Variants in CHD2 observed in about 807,000 individuals in gnomAD.
The protein encoded by CHD2 is chromodomain helicase DNA binding protein 2.
A neutral mutation model predicts 243.9 loss-of-function variants in CHD2; 28 were observed. The observed-to-expected ratio is 0.11, with a 90% confidence interval of 0.09 to 0.16. CHD2 has a LOEUF of 0.16. Ranked by LOEUF, CHD2 falls within the 10% of genes least tolerant of loss-of-function variation. The pLI is 1.00. For synonymous variants in CHD2, 775 were observed against 779.0 expected (o/e 0.99, Z 0.09); for missense variants, 1,386 against 2,209.8 (o/e 0.63, Z 7.47).
intron 19 of CHD2, 29 bp from the exon 20 acceptor site, chr15:92,974,850 T>A (rs760493031): frequency 6.2e-7 from 1 of 1,606,366 alleles, no homozygotes; most frequent in South Asian, 1.1e-5. Context: ...CTTCCTATCT[T>A]ACAGTTTTCT....
chr15:92,955,426 C>T lies in CHD2; in HGVS notation c.1723C>T (p.Arg575Trp). The part of the protein sequence containing the change: ...IGDLMSRNTI[R>W]EYEWIHSQTK... ...TAATTATGTTTTTTTCTTATAGATA[C>T]GGGAATATGAATGGATTCATTCCCA... Residue 575 changes from arginine to tryptophan, a missense_variant, in exon 15 of 39, where the codon CGG becomes TGG. Arg to Trp is a moderately radical substitution (Grantham distance 101, BLOSUM62 -3). Transcript: ENST00000394196. 2 of 1,563,044 alleles carry T rather than the reference C, an allele frequency of 1.3e-6. No homozygotes were observed. Among genetic ancestry groups the T allele is most frequent in the Non-Finnish European group, 1.7e-6 (2 of 1,156,282 alleles).
Position 92,900,784 on chromosome 15 carries a change from A to G in CHD2, c.-112A>G. The G allele has an allele frequency of 2.5e-6, 1 of 395,502 alleles. No individual in the cohort carries two copies. Among genetic ancestry groups the G allele is most frequent in the Non-Finnish European group, 4.4e-6 (1 of 224,918 alleles). 24.5% of individuals were successfully genotyped at this position (395,502 alleles called of 1,614,324 possible). ...ATTTGGGATCTGATATTTTTCTACT[A>G]GTAGATAGGACTCTTGGTTTGGACA... On this transcript the variant is annotated 5_prime_UTR_variant, in exon 1 of 39. Transcript: ENST00000394196.
chr15:92,953,205 A>C (rs2053577002), intron 13 of CHD2, 152 bp from the exon 14 acceptor site: 1 of 634,838 alleles, frequency 1.6e-6, no homozygotes, highest in South Asian at 2.0e-5. Flanking sequence ...AAGCTGAAGT[A>C]ATTGCAGATG....
Position 92,978,303 on chromosome 15 carries a change from G to A in CHD2, c.2647G>A (p.Val883Ile), listed in dbSNP as rs1289998107. 3.7e-6 allele frequency: 6 copies of A among 1,614,096 alleles called. No homozygotes were observed. The highest frequency in any genetic ancestry group is 2.2e-5 in the East Asian group (1 of 44,882). ...CAATTTGGCTTCAGCGGACACAGTC[G>A]TCATCTTTGACTCTGACTGGAACCC... ...GINLASADTV[V>I]IFDSDWNPQN... Residue 883 changes from valine (V) to isoleucine (I), a missense_variant, in exon 21 of 39, where the codon GTC becomes ATC. By Grantham distance (29) the Val-to-Ile change is conservative. Coordinates refer to ENST00000394196, the MANE Select transcript of CHD2 (RefSeq NM_001271.4).
At chr15:92,988,912 A>G (rs2054079771) in intron 26 of CHD2, among the ~76,000 whole-genome samples, 1 of 151,802 alleles carries the variant, frequency 6.6e-6, no homozygotes, top group Admixed American at 6.6e-5. Flanking sequence ...TAACTCTTGT[A>G]AATATTTATA....
intron 38 of CHD2, 142 bp downstream of exon 38, chr15:93,020,400 T>C (rs1220493613): frequency 3.8e-6 from 4 of 1,041,674 alleles, no homozygotes; most frequent in Non-Finnish European, 5.6e-6. Flanking sequence ...GCGAATCCCA[T>C]GTCTTGGTTA....
intron 28 of CHD2, among the ~76,000 whole-genome samples, chr15:92,996,397 T>G (rs1266887877): frequency 6.6e-6 from 1 of 152,026 alleles, no homozygotes; most frequent in Non-Finnish European, 1.5e-5. Flanking sequence ...CCTGACCTCG[T>G]GATCTGCCTG....
chr15:92,902,929 T>A (rs1452311392), intron 2 of CHD2: 1 of 152,184 alleles, frequency 6.6e-6, no homozygotes, highest in Non-Finnish European at 1.5e-5. Flanking sequence ...TCTTTCAGTA[T>A]TTTTACTCTC....
Position 92,939,625 on chromosome 15 carries a change from G to A in CHD2, c.599G>A (p.Gly200Glu), listed in dbSNP as rs368498690. ...AAAAAGCAGCCGAAGACTCAGCGTG[G>A]AAAGAGAAAAAAGCAAGATTCTTCT... is the stretch of plus-strand genomic sequence containing the variant. ...RVKKQPKTQR[G>E]KRKKQDSSDE... Residue 200 changes from glycine (G) to glutamate (E), a missense_variant, in exon 7 of 39, where the codon GGA (glycine) becomes GAA (glutamate). Physicochemically the swap from Gly to Glu is moderately conservative, Grantham distance 98. Coordinates refer to ENST00000394196, the MANE Select transcript of CHD2 (RefSeq NM_001271.4). 8.1e-6 allele frequency: 13 copies of A among 1,613,992 alleles called. No individual in the cohort carries two copies. The highest frequency in any genetic ancestry group is 1.1e-5 in the Non-Finnish European group (13 of 1,180,018).
Position 92,953,434 on chromosome 15 carries a change from T to G in CHD2, c.1580T>G (p.Phe527Cys). 1 of 1,614,206 alleles carries G rather than the reference T, an allele frequency of 6.2e-7. No homozygotes were observed. The change falls in exon 14 of 39, where the codon TTC becomes TGC. Residue 527 changes from phenylalanine (F) to cysteine (C), a missense_variant. Physicochemically the swap from Phe to Cys is radical, Grantham distance 205 (BLOSUM62 -2). Coordinates refer to ENST00000394196, the MANE Select transcript of CHD2 (RefSeq NM_001271.4). Reference protein sequence around the residue: ...IQTISFLSYLFHQHQLYGPFL... With the variant: ...IQTISFLSYLCHQHQLYGPFL... ...ACCATATCATTCCTCTCCTACCTGT[T>G]CCACCAACACCAGCTGTATGGCCCC...
intron 32 of CHD2, 59 bp downstream of exon 32, chr15:93,000,699 C>T (rs2054243633): frequency 6.6e-7 from 1 of 1,516,440 alleles, no homozygotes; most frequent in Non-Finnish European, 8.9e-7. Context: ...CTTATCATGC[C>T]AGCTGGAATA....
At chr15:92,912,830 G>A (rs960922495) in intron 2 of CHD2, among the ~76,000 whole-genome samples, 12 of 152,244 alleles carry the variant, frequency 7.9e-5, no homozygotes, top group Admixed American at 1.3e-4. Flanking sequence ...GATTACAGGC[G>A]TGAGCCACTG....
chr15:93,019,319 G>T (rs1796123155), intron 37 of CHD2, among the ~76,000 whole-genome samples: 1 of 152,184 alleles, frequency 6.6e-6, no homozygotes, highest in Non-Finnish European at 1.5e-5. Flanking sequence ...ATCATTTTCT[G>T]AATTAGTTTG....
intron 27 of CHD2, among the ~76,000 whole-genome samples, chr15:92,991,912 T>C (rs1233066625): frequency 6.6e-6 from 1 of 152,238 alleles, no homozygotes; most frequent in East Asian, 1.9e-4. Flanking sequence ...TTTTATAATC[T>C]TCTGCTAATT....
At position 93,004,627 on chromosome 15, in the gene CHD2, G is replaced by T; in HGVS notation, c.4289G>T (p.Gly1430Val). ...SKDKKEKPKS[G>V]DAKSSSKSKR... ...ACTCTTTTTTAAAAGCCTAAAAGTG[G>T]TGATGCCAAATCTTCGAGTAAATCA... The change falls in exon 34 of 39, where the codon GGT (glycine) becomes GTT (valine). Residue 1430 changes from glycine (G) to valine (V), a missense_variant. Gly to Val is a moderately radical substitution (Grantham distance 109, BLOSUM62 -3). Transcript: ENST00000394196. 1.2e-6 allele frequency: 2 copies of T among 1,611,498 alleles called. No individual in the cohort carries two copies. The highest frequency in any genetic ancestry group is 1.1e-5 in the South Asian group (1 of 90,676).
intron 28 of CHD2, 152 bp from the exon 29 acceptor site, chr15:92,996,805 G>A (rs1596446863): frequency 4.4e-6 from 3 of 681,178 alleles, no homozygotes; most frequent in East Asian, 3.1e-5. Flanking sequence ...CATTAGTTGA[G>A]AAAAAAATTT....
intron 28 of CHD2, among the ~76,000 whole-genome samples, chr15:92,994,486 T>A (rs1022980769): frequency 6.6e-6 from 1 of 152,108 alleles, no homozygotes; most frequent in African/African-American, 2.4e-5. Context: ...AAAACTTATT[T>A]TAAGATAATG....
chr15:92,939,786 C>A, intron 7 of CHD2, 68 bp downstream of exon 7: 14 of 1,541,702 alleles, frequency 9.1e-6, no homozygotes, highest in Non-Finnish European at 1.2e-5. Context: ...TTTTGGTTCT[C>A]ATAAGTCCGG....
intron 38 of CHD2, among the ~76,000 whole-genome samples, chr15:93,022,554 C>CCTT (rs772319621): frequency 6.6e-6 from 1 of 152,194 alleles, no homozygotes; most frequent in Non-Finnish European, 1.5e-5. Context: ...GGCACTGTTA[C>CCTT]CTTCAGTCTT....
Sources: allele counts gnomAD v4.1 joint callset (sites outside exome capture counted in the v4.1 genomes callset), GRCh38; gene constraint gnomAD v4.1.1; transcripts MANE v1.5; gene names NCBI Gene and HGNC (gene_info 2026-07-23, HGNC 2026-07-21).